Variants in TRIM72 observed in about 807,000 individuals in gnomAD.
The protein encoded by TRIM72 is tripartite motif-containing protein 72.
A neutral mutation model predicts 31.6 loss-of-function variants in TRIM72; 33 were observed. That is an observed-to-expected ratio of 1.04 (90% CI 0.79 to 1.40). The LOEUF is 1.40. TRIM72 is among the 40% of genes most tolerant of loss of function. The pLI is 0.00. For missense variants in TRIM72, 666 were observed against 682.7 expected (o/e 0.98, Z 0.27); for synonymous variants, 301 against 314.4 (o/e 0.96, Z 0.45).
At position 31,224,821 on chromosome 16, in the gene TRIM72, C is replaced by G. The variant is rs2079549830; in HGVS notation, c.*66C>G. On this transcript the variant is annotated 3_prime_UTR_variant, in exon 7 of 7. Transcript: ENST00000322122. ...GAAGCTTAGGTCTCCTTGGTCGGGT[C>G]TGACGGGAGAAGGGTGGGGAGCGGG... 2 of 1,389,286 alleles carry G rather than the reference C, an allele frequency of 1.4e-6. No homozygotes were observed. Among genetic ancestry groups the G allele is most frequent in the Non-Finnish European group, 9.3e-7 (1 of 1,071,784 alleles). 86.1% of individuals were successfully genotyped at this position (1,389,286 alleles called of 1,614,324 possible). A position where few individuals can be genotyped will look rare whatever the true frequency, so the allele number is the denominator to read the frequency against.
chr16:31,219,238 G>C lies in TRIM72; in HGVS notation c.486+48G>C. On this transcript the variant is annotated intron_variant, in intron 3 of 6. Transcript: ENST00000322122. The surrounding 1 kb of genome is among the most constrained non-coding windows in gnomAD (Gnocchi z 4.2). ...TCTGAGGGCTGGGGGCCAGGCTAGG[G>C]GTCTCCAGCCAAGAGTCTTTATCCC... The C allele has an allele frequency of 6.2e-7, 1 of 1,613,998 alleles. No individual in the cohort carries two copies. Among genetic ancestry groups the C allele is most frequent in the Non-Finnish European group, 8.5e-7 (1 of 1,179,884 alleles).
rs2079550941 is a variant in TRIM72 at position 31,225,126 on chromosome 16, G to T, written c.*371G>T. 1 of 163,744 alleles carries T rather than the reference G, an allele frequency of 6.1e-6. No individual in the cohort carries two copies. Among genetic ancestry groups the T allele is most frequent in the Non-Finnish European group, 1.3e-5 (1 of 75,742 alleles). 10.1% of individuals were successfully genotyped at this position (163,744 alleles called of 1,614,324 possible). A position where few individuals can be genotyped will look rare whatever the true frequency, so the allele number is the denominator to read the frequency against. On this transcript the variant is annotated 3_prime_UTR_variant, in exon 7 of 7. Coordinates refer to ENST00000322122, the MANE Select transcript of TRIM72 (RefSeq NM_001008274.4). ...AATTGCTTGAACCCAGGAGGTGGAG[G>T]TTGCAGTGAGCAGACATTGCGGCAC...
Position 31,224,343 on chromosome 16 carries a change from C to CCGAGGG in TRIM72, c.1027_1032dup (p.Gly343_Glu344dup). The CCGAGGG allele has an allele frequency of 6.3e-7, 1 of 1,585,218 alleles. No homozygotes were observed. The highest frequency in any genetic ancestry group is 2.3e-5 in the East Asian group (1 of 44,168). On this transcript the variant is annotated inframe_insertion, in exon 7 of 7. Coordinates refer to ENST00000322122, the MANE Select transcript of TRIM72 (RefSeq NM_001008274.4). ...GCGGTGGTGGCGCACCAGCAGCTCTCCGAGGGCGAGCACTACTGGGAGGTG... is the reference window on the plus strand; with the variant it reads ...GCGGTGGTGGCGCACCAGCAGCTCTCCGAGGGCGAGGGCGAGCACTACTGGGAGGTG...
At chr16:31,214,448 A>G (rs1182844147) in intron 1 of TRIM72, among the ~76,000 whole-genome samples, 151 bp downstream of exon 1, 1 of 152,182 alleles carries the variant, frequency 6.6e-6, no homozygotes, top group African/African-American at 2.4e-5. Flanking sequence ...GGGCAAGGAC[A>G]GTGGGCTAGA....
At position 31,219,629 on chromosome 16, in the gene TRIM72, A is replaced by G; in HGVS notation, c.717+110A>G. ...AGGGGCAGGGATAAGCCAGCAGCAC[A>G]CAGCCGGGAGGGGCAGGCCTCAGGA... On this transcript the variant is annotated intron_variant, in intron 4 of 6. Transcript: ENST00000322122. The surrounding 1 kb of genome is among the most constrained non-coding windows in gnomAD (Gnocchi z 4.2). 3 of 1,049,880 alleles carry G rather than the reference A, an allele frequency of 2.9e-6. No individual in the cohort carries two copies. The highest frequency in any genetic ancestry group is 4.2e-6 in the Non-Finnish European group (3 of 713,332). 65.0% of individuals were successfully genotyped at this position (1,049,880 alleles called of 1,614,324 possible).
In TRIM72 at chr16:31,216,837, G is replaced by A. The variant is rs2079511430; in HGVS notation, c.390+1709G>A. 6.2e-7 allele frequency: 1 copy of A among 1,613,596 alleles called. No individual in the cohort carries two copies. Among genetic ancestry groups the A allele is most frequent in the Non-Finnish European group, 8.5e-7 (1 of 1,179,964 alleles). On this transcript the variant is annotated intron_variant, in intron 2 of 6. Transcript: ENST00000322122. The surrounding 1 kb of genome is among the most constrained non-coding windows in gnomAD (Gnocchi z 6.7). ...GCACGGCCACGACGAGCTCGGCTGC[G>A]TAGTCCTCGTAGTAGGAGGCGACCA...
chr16:31,222,824 CAGGCTGCAGAAGAT>C lies in TRIM72; in HGVS notation c.741-2_752del. On this transcript the variant is annotated splice_acceptor_variant and coding_sequence_variant, in exon 6 of 7. Coordinates refer to ENST00000322122, the MANE Select transcript of TRIM72 (RefSeq NM_001008274.4). LOFTEE classifies it high-confidence loss of function. ...TGCCTCCCCTTCCCCTCCCCACCCC[CAGGCTGCAGAAGAT>C]CCTGGCAGAGTCTCCCCCACCCGCC... 1.4e-6 allele frequency: 2 copies of C among 1,398,294 alleles called. No individual in the cohort carries two copies. The highest frequency in any genetic ancestry group is 1.4e-5 in the South Asian group (1 of 73,260). 86.6% of individuals were successfully genotyped at this position (1,398,294 alleles called of 1,614,324 possible).
Position 31,229,735 on chromosome 16 carries a change from T to C in TRIM72, c.*4980T>C, listed in dbSNP as rs1208903226. 4 of 152,222 alleles carry C rather than the reference T, an allele frequency of 2.6e-5. No homozygotes were observed. Among genetic ancestry groups the C allele is most frequent in the Middle Eastern group, 3.2e-3 (1 of 316 alleles). The allele number at this position is 152,222 out of a possible 1,614,324, so 9.4% of individuals were successfully genotyped here. On this transcript the variant is annotated 3_prime_UTR_variant, in exon 7 of 7. Transcript: ENST00000322122. ...GACATTTCCTGTGTTTCCTGACATC[T>C]TTAGGTAGCATAATAGCAAACTTGA...
At position 31,219,665 on chromosome 16, in the gene TRIM72, G is replaced by A. The variant is rs533397189; in HGVS notation, c.717+146G>A. The A allele has an allele frequency of 5.7e-6, 4 of 707,636 alleles. No individual in the cohort carries two copies. Among genetic ancestry groups the A allele is most frequent in the Non-Finnish European group, 9.8e-6 (4 of 409,134 alleles). The allele number at this position is 707,636 out of a possible 1,614,324, so 43.8% of individuals were successfully genotyped here. A position where few individuals can be genotyped will look rare whatever the true frequency, so the allele number is the denominator to read the frequency against. ...GGGCAGGCCTCAGGACTGCTATATG[G>A]TTGTTTAGGTTGAGCACTGCATAAG... On this transcript the variant is annotated intron_variant, in intron 4 of 6. Coordinates refer to ENST00000322122, the MANE Select transcript of TRIM72 (RefSeq NM_001008274.4). This position sits in a 1 kb window ranked among gnomAD's most constrained non-coding sequence, Gnocchi z 4.2.
Position 31,224,483 on chromosome 16 carries a change from G to A in TRIM72, c.1162G>A (p.Gly388Ser), listed in dbSNP as rs1274090807. The change falls in exon 7 of 7, where the codon GGC (glycine) becomes AGC (serine). Residue 388 changes from glycine to serine, a missense_variant. Physicochemically the swap from Gly to Ser is moderately conservative, Grantham distance 56 (BLOSUM62 0). Coordinates refer to ENST00000322122, the MANE Select transcript of TRIM72 (RefSeq NM_001008274.4). ...QGLWLLGLRE[G>S]KILEAHVEAK... ...CCTGTGGCTGCTGGGGCTGCGCGAG[G>A]GCAAGATCCTGGAGGCACACGTGGA... 1 of 1,482,274 alleles carries A rather than the reference G, an allele frequency of 6.7e-7. No individual in the cohort carries two copies. Among genetic ancestry groups the A allele is most frequent in the Non-Finnish European group, 8.9e-7 (1 of 1,126,592 alleles). The allele number at this position is 1,482,274 out of a possible 1,614,324, so 91.8% of individuals were successfully genotyped here. A position where few individuals can be genotyped will look rare whatever the true frequency, so the allele number is the denominator to read the frequency against.
Position 31,224,736 on chromosome 16 carries a change from C to T in TRIM72, c.1415C>T (p.Pro472Leu). The change falls in exon 7 of 7, where the codon CCC becomes CTC. Residue 472 changes from proline to leucine, a missense_variant. By Grantham distance (98) the Pro-to-Leu change is moderately conservative. Transcript: ENST00000322122. The part of the protein sequence containing the change: ...KNAQPLLLVG[P>L]EGAEA The stretch of plus-strand genomic sequence containing the variant: ...GCCCAGCCGCTGCTGCTCGTGGGTC[C>T]CGAAGGCGCCGAGGCCTGAGCCGCC... 1.3e-6 allele frequency: 2 copies of T among 1,504,908 alleles called. No homozygotes were observed. The highest frequency in any genetic ancestry group is 1.8e-6 in the Non-Finnish European group (2 of 1,131,120). 93.2% of individuals were successfully genotyped at this position (1,504,908 alleles called of 1,614,324 possible).
rs1461905828 is a variant in TRIM72 at position 31,224,554 on chromosome 16, G to A, written c.1233G>A (p.Thr411=). The change falls in exon 7 of 7, where the codon ACG becomes ACA. Residue 411 remains threonine, a synonymous_variant. Coordinates refer to ENST00000322122, the MANE Select transcript of TRIM72 (RefSeq NM_001008274.4). ...TGCGCAGCCCCGAGAGGCGGCCCACGCGCATTGGCCTTTACCTGAGCTTCG... is the reference window on the plus strand; with the variant it reads ...TGCGCAGCCCCGAGAGGCGGCCCACACGCATTGGCCTTTACCTGAGCTTCG... ...RALRSPERRP[T]RIGLYLSFGD... 10 of 1,537,144 alleles carry A rather than the reference G, an allele frequency of 6.5e-6. No individual in the cohort carries two copies. Among genetic ancestry groups the A allele is most frequent in the Non-Finnish European group, 8.7e-6 (10 of 1,146,196 alleles).
rs370400734 is a variant in TRIM72 at position 31,223,503 on chromosome 16, C to CT, written c.859+559dup. ...CAGCCTCATTTTATTCAAGATAAAACTAAGGCTCAGAGACTGGGTCTAGGC... is the reference window on the plus strand; with the variant it reads ...CAGCCTCATTTTATTCAAGATAAAACTTAAGGCTCAGAGACTGGGTCTAGGC... On this transcript the variant is annotated intron_variant, in intron 6 of 6. Transcript: ENST00000322122. Among the ~76,000 whole-genome samples the CT allele has an allele frequency of 7.7e-4, 118 of 152,328 alleles. 1 individual carries two copies. Among genetic ancestry groups the CT allele is most frequent in the African/African-American group, 2.6e-3 (107 of 41,578 alleles).
intron 2 of TRIM72, among the ~76,000 whole-genome samples, chr16:31,218,132 G>C (rs1327729453): frequency 6.6e-6 from 1 of 152,186 alleles, no homozygotes; most frequent in Non-Finnish European, 1.5e-5. Context: ...GTGCCTGCCT[G>C]TCTGGTGGGA....
At chr16:31,220,455 C>CTTT (rs1567494449) in intron 4 of TRIM72, among the ~76,000 whole-genome samples, 2 of 33,328 alleles carry the variant, frequency 6.0e-5, no homozygotes, top group African/African-American at 9.0e-5. Flanking sequence ...GTCTCTTTTG[C>CTTT]GTTTTTTTTT....
chr16:31,223,243 C>T (rs1162590601), intron 6 of TRIM72, among the ~76,000 whole-genome samples: 1 of 152,094 alleles, frequency 6.6e-6, no homozygotes, highest in Non-Finnish European at 1.5e-5. Flanking sequence ...CAGTCTCTGC[C>T]CCTCTCTGGA....
chr16:31,222,078 TC>T (rs1051711634), intron 5 of TRIM72, among the ~76,000 whole-genome samples: 6 of 152,088 alleles, frequency 3.9e-5, no homozygotes, highest in African/African-American at 1.4e-4. Context: ...TTGGACCTTA[TC>T]CCAACAGAAG....
chr16:31,223,353 G>A (rs1313829577), intron 6 of TRIM72, among the ~76,000 whole-genome samples: 1 of 152,168 alleles, frequency 6.6e-6, no homozygotes, highest in Non-Finnish European at 1.5e-5. Context: ...CTGGCGGCCT[G>A]TGGCTGGGGA....
rs567098482 is a variant in TRIM72 at position 31,223,278 on chromosome 16, A to G, written c.859+333A>G. The stretch of plus-strand genomic sequence containing the variant: ...ACGGTGGAGATGATAAATCCTGCCA[A>G]TTGGGGACTGAGGCTCTGCAGAGCT... On this transcript the variant is annotated intron_variant, in intron 6 of 6. Transcript: ENST00000322122. Among the ~76,000 whole-genome samples, 94 of 152,126 alleles carry G rather than the reference A, an allele frequency of 6.2e-4. 1 individual carries two copies. The highest frequency in any genetic ancestry group is 2.5e-3 in the East Asian group (13 of 5,148).
Sources: gnomAD v4.1 joint callset for allele counts (sites outside exome capture counted in the v4.1 genomes callset) on GRCh38, gnomAD v4.1.1 for gene constraint, Gnocchi (gnomAD v3.1) non-coding constraint, MANE v1.5 for transcripts, NCBI Gene and HGNC (gene_info 2026-07-23, HGNC 2026-07-21) for gene names.